Variants in ZNF234 observed in about 807,000 individuals in gnomAD.
ZNF234 encodes C2-H2 type zinc finger protein.
ZNF234 carries 4 observed loss-of-function variants against 10.3 expected under a neutral mutation model. The observed-to-expected ratio is 0.39, with a 90% CI of 0.19 to 0.89. The LOEUF (loss-of-function observed/expected upper bound fraction) is 0.89, where lower values mean the gene tolerates loss of function less well. Among genes scored for constraint, ZNF234 ranks in the 40% least tolerant of loss-of-function variants. ZNF234 has a pLI of 0.38. For synonymous variants in ZNF234, 258 were observed against 280.1 expected, an observed-to-expected ratio of 0.92 and a Z score of 0.79; for missense variants, 711 against 836.1, an observed-to-expected ratio of 0.85 and a Z score of 1.85.
intron 5 of ZNF234, among the ~76,000 whole-genome samples, chr19:44,152,738 A>C (rs1038216807): frequency 6.6e-6 from 1 of 152,182 alleles, no homozygotes; most frequent in African/African-American, 2.4e-5. Context: ...GATAGTAACT[A>C]GGTTGCAAAC....
chr19:44,150,397 A>C lies in ZNF234; in HGVS notation c.143-16A>C, dbSNP rs1968708623. On this transcript the variant is annotated splice_polypyrimidine_tract_variant and intron_variant, in intron 4 of 5. Coordinates refer to ENST00000426739, the MANE Select transcript of ZNF234 (RefSeq NM_006630.3). ...TTAGTGTGTTTGTTTTAAATATGTG[A>C]CTTTGCGTGTTCTAGGGCATCACCC... 6.4e-7 allele frequency: 1 copy of C among 1,559,162 alleles called. No individual in the cohort carries two copies.
Position 44,156,734 on chromosome 19 carries a change from G to A in ZNF234, c.718G>A (p.Gly240Ser), listed in dbSNP as rs776739198. 7.4e-6 allele frequency: 12 copies of A among 1,613,828 alleles called. No individual in the cohort carries two copies. Among genetic ancestry groups the A allele is most frequent in the Non-Finnish European group, 9.3e-6 (11 of 1,179,966 alleles). ...KPFKCVECGK[G>S]FSRRSTLTVH... ...ATTCAAATGTGTGGAATGTGGGAAA[G>A]GCTTCAGTCGTAGATCAACACTTAC... The change falls in exon 6 of 6, where the codon GGC (glycine) becomes AGC (serine). Residue 240 changes from glycine (G) to serine (S), a missense_variant. Coordinates refer to ENST00000426739, the MANE Select transcript of ZNF234 (RefSeq NM_006630.3).
In ZNF234 at chr19:44,141,615, G is replaced by C. The variant is rs1215380974; in HGVS notation, c.-249G>C. 2 of 152,298 alleles carry C rather than the reference G, an allele frequency of 1.3e-5. No individual in the cohort carries two copies. Among genetic ancestry groups the C allele is most frequent in the Non-Finnish European group, 2.9e-5 (2 of 68,086 alleles). 9.4% of individuals were successfully genotyped at this position (152,298 alleles called of 1,614,324 possible). ...GGGCGATTGTCACGGCACATTCCAC[G>C]GTAGTTTCTTCCAGTTCCGCGACTC... On this transcript the variant is annotated 5_prime_UTR_variant, in exon 1 of 6. Transcript: ENST00000426739. The surrounding 1 kb of genome is among the most constrained non-coding windows in gnomAD (Gnocchi z 4.6).
chr19:44,156,319 G>C lies in ZNF234; in HGVS notation c.303G>C (p.Gly101=). 6.2e-7 allele frequency: 1 copy of C among 1,604,422 alleles called. No individual in the cohort carries two copies. Among genetic ancestry groups the C allele is most frequent in the African/African-American group, 1.3e-5 (1 of 74,572 alleles). Reference sequence around the variant, plus strand: ...GACGACATGAAGAGCTTTACTGGGGGCAAATCTGGAAACAGATTGCAAGTG... The same window carrying C: ...GACGACATGAAGAGCTTTACTGGGGCCAAATCTGGAAACAGATTGCAAGTG... ...EAGRHEELYW[G]QIWKQIASDL... Residue 101 remains glycine (G), a synonymous_variant, in exon 6 of 6, where the codon GGG becomes GGC. Transcript: ENST00000426739.
At position 44,158,599 on chromosome 19, in the gene ZNF234, A is replaced by G. The variant is rs1968969851; in HGVS notation, c.*480A>G. 1.1e-5 allele frequency: 2 copies of G among 185,862 alleles called. No homozygotes were observed. Among genetic ancestry groups the G allele is most frequent in the African/African-American group, 4.8e-5 (2 of 41,676 alleles). The allele number at this position is 185,862 out of a possible 1,614,324, so 11.5% of individuals were successfully genotyped here. A position where few individuals can be genotyped will look rare whatever the true frequency, so the allele number is the denominator to read the frequency against. The stretch of plus-strand genomic sequence containing the variant: ...AATTACAGTAGCATTCTCTTATTTA[A>G]AATATTTGTTTTATTTAAGTCAGTG... On this transcript the variant is annotated 3_prime_UTR_variant, in exon 6 of 6. Transcript: ENST00000426739.
rs191045580 is a variant in ZNF234, at chr19:44,157,170, C to G, written c.1154C>G (p.Ser385Ter). The change falls in exon 6 of 6, where the codon TCA (serine) becomes TGA (stop). Residue 385 changes from serine to a stop codon, truncating the protein, a stop_gained. Coordinates refer to ENST00000426739, the MANE Select transcript of ZNF234 (RefSeq NM_006630.3). LOFTEE classifies it low-confidence loss of function (END_TRUNC). ...TGTGGTAAGGGTTTCATTTACAGTT[C>G]AAGTTTTCAGGCCCATCAGGGAGTC... The part of the protein sequence containing the change: ...KVCGKGFIYS[S>*]SFQAHQGVHT... 12 of 1,614,122 alleles carry G rather than the reference C, an allele frequency of 7.4e-6. No homozygotes were observed. The highest frequency in any genetic ancestry group is 1.0e-5 in the Non-Finnish European group (12 of 1,180,010).
At chr19:44,145,140 CT>C (rs1165515481) in intron 3 of ZNF234, among the ~76,000 whole-genome samples, 1 of 152,148 alleles carries the variant, frequency 6.6e-6, no homozygotes, top group African/African-American at 2.4e-5. Flanking sequence ...ATGAACAGTT[CT>C]CCTACTTTAC....
At chr19:44,152,068 C>T (rs148958521) in intron 5 of ZNF234, among the ~76,000 whole-genome samples, 2 of 152,284 alleles carry the variant, frequency 1.3e-5, no homozygotes, top group East Asian at 1.9e-4. Context: ...ACAATCCTCT[C>T]GGCCCCTCTC....
intron 5 of ZNF234, among the ~76,000 whole-genome samples, chr19:44,155,885 AC>A (rs1407132840): frequency 2.6e-5 from 4 of 152,152 alleles, no homozygotes; most frequent in Middle Eastern, 3.2e-3. Flanking sequence ...TACAGGCATG[AC>A]CATGCCTGGC....
chr19:44,145,819 T>C (rs1047366543), intron 3 of ZNF234, among the ~76,000 whole-genome samples: 1 of 152,238 alleles, frequency 6.6e-6, no homozygotes, highest in Non-Finnish European at 1.5e-5. Flanking sequence ...TCATACTTTG[T>C]ATGTATTTTA....
Position 44,157,425 on chromosome 19 carries a change from GACTTCAGATTC to G in ZNF234, c.1412_1422del (p.Leu471ProfsTer7). The G allele has an allele frequency of 6.2e-7, 1 of 1,613,796 alleles. No individual in the cohort carries two copies. The highest frequency in any genetic ancestry group is 8.5e-7 in the Non-Finnish European group (1 of 1,179,862). On this transcript the variant is annotated frameshift_variant, in exon 6 of 6. Coordinates refer to ENST00000426739, the MANE Select transcript of ZNF234 (RefSeq NM_006630.3). LOFTEE classifies it low-confidence loss of function (END_TRUNC). ...GGGCAGGGCTTCAATCAGAGCTCACGACTTCAGATTCACCAGCTGATCCATACCGGTGAGAA... is the reference window on the plus strand; with the variant it reads ...GGGCAGGGCTTCAATCAGAGCTCACGACCAGCTGATCCATACCGGTGAGAA...
At chr19:44,146,525 A>T (rs1223172020) in intron 3 of ZNF234, among the ~76,000 whole-genome samples, 1 of 152,182 alleles carries the variant, frequency 6.6e-6, no homozygotes, top group South Asian at 2.1e-4. Context: ...ACCCTGAAGC[A>T]TGGGGATCAG....
At chr19:44,143,574 A>AC (rs1968520253) in intron 2 of ZNF234, among the ~76,000 whole-genome samples, 1 of 148,474 alleles carries the variant, frequency 6.7e-6, no homozygotes, top group Non-Finnish European at 1.5e-5. Context: ...GCGCCATTGC[A>AC]CCCCAGCCTG....
rs373040377 is a variant in ZNF234, at chr19:44,153,563, G to C, written c.236-2689G>C. Among the ~76,000 whole-genome samples, 13 of 152,168 alleles carry C rather than the reference G, an allele frequency of 8.5e-5. No individual in the cohort carries two copies. In the East Asian group the frequency reaches 2.5e-3, roughly 30 times the overall value. On this transcript the variant is annotated intron_variant, in intron 5 of 5. Coordinates refer to ENST00000426739, the MANE Select transcript of ZNF234 (RefSeq NM_006630.3). ...GCTACAGTTTTTAATTTGAAAAACT[G>C]TTGTGAAAGGCCCAACTTACCTACA...
intron 2 of ZNF234, among the ~76,000 whole-genome samples, chr19:44,144,291 C>G (rs1326624324): frequency 6.6e-6 from 1 of 152,202 alleles, no homozygotes; most frequent in Non-Finnish European, 1.5e-5. Context: ...GCTTCTTTCA[C>G]TCAGCATAGT....
intron 4 of ZNF234, 72 bp downstream of exon 4, chr19:44,148,969 C>T (rs1224742328): frequency 6.6e-7 from 1 of 1,514,690 alleles, no homozygotes; most frequent in Admixed American, 2.2e-5. Flanking sequence ...GGGTTCAACA[C>T]TTTGGAGGTC....
In ZNF234 at chr19:44,157,957, T is replaced by A. The variant is rs759240539; in HGVS notation, c.1941T>A (p.Thr647=). Residue 647 remains threonine, a synonymous_variant, in exon 6 of 6, where the codon ACT becomes ACA. Coordinates refer to ENST00000426739, the MANE Select transcript of ZNF234 (RefSeq NM_006630.3). ...SQLQYHRRVH[T]GEKPYKCEIC... is the part of the protein sequence containing the mutation. ...TACAGTATCATAGGCGAGTTCACACTGGGGAAAAACCTTACAAATGTGAGA... is the reference window on the plus strand; with the variant it reads ...TACAGTATCATAGGCGAGTTCACACAGGGGAAAAACCTTACAAATGTGAGA... The A allele has an allele frequency of 8.7e-6, 14 of 1,613,828 alleles. No homozygotes were observed. The South Asian group carries it at 1.5e-4, about 18-fold the overall frequency.
At position 44,157,536 on chromosome 19, in the gene ZNF234, CAG is replaced by C. The variant is rs768145235; in HGVS notation, c.1521_1522del (p.Lys510ThrfsTer3). ...CTTAAAATTCATTGTAGGATCCACACAGGGGAGAAACCATATAATTGTGAGGA... is the reference window on the plus strand; with the variant it reads ...CTTAAAATTCATTGTAGGATCCACACGGGAGAAACCATATAATTGTGAGGA... On this transcript the variant is annotated frameshift_variant, in exon 6 of 6. Transcript: ENST00000426739. LOFTEE classifies it low-confidence loss of function (END_TRUNC). 48 of 1,614,026 alleles carry C rather than the reference CAG, an allele frequency of 3.0e-5. No homozygotes were observed. The highest frequency in any genetic ancestry group is 5.3e-5 in the African/African-American group (4 of 74,892).
intron 4 of ZNF234, among the ~76,000 whole-genome samples, chr19:44,149,445 CA>C (rs367603326): frequency 1.4e-3 from 208 of 144,368 alleles, no homozygotes; most frequent in African/African-American, 4.8e-3. Flanking sequence ...GAGACTGTCT[CA>C]AAAAAAAAAG....
Sources: gnomAD v4.1 joint callset for allele counts (sites outside exome capture counted in the v4.1 genomes callset) on GRCh38, gnomAD v4.1.1 for gene constraint, Gnocchi (gnomAD v3.1) non-coding constraint, MANE v1.5 for transcripts, NCBI Gene and HGNC (gene_info 2026-07-23, HGNC 2026-07-21) for gene names.